ZNF860: variants seen among roughly 807,000 people sequenced by gnomAD.
The protein encoded by ZNF860 is zinc finger protein 860.
For synonymous variants in ZNF860, 206 were observed against 248.9 expected (o/e 0.83, Z 1.62); for missense variants, 641 against 759.2 (o/e 0.84, Z 1.83).
chr3:32,001,272 C>T, the ZNF860 span, among the ~76,000 whole-genome samples: 1 of 152,164 alleles, frequency 6.6e-6, no homozygotes, highest in Non-Finnish European at 1.5e-5. Flanking sequence ...CGGTCTCCAA[C>T]CCTTCCCTGG....
In ZNF860 at chr3:31,990,782, G is replaced by C; in HGVS notation, c.1703G>C (p.Cys568Ser). Residue 568 changes from cysteine (C) to serine (S), a missense_variant, in exon 2 of 2, where the codon TGT (cysteine) becomes TCT (serine). By Grantham distance (112) the Cys-to-Ser change is moderately radical. Transcript: ENST00000360311. ...RIHTGEKPYK[C>S]DDFDEAFSQA... ...CATACTGGAGAGAAACCTTACAAAT[G>C]TGATGATTTTGACGAGGCCTTCAGT... 6.2e-7 allele frequency: 1 copy of C among 1,613,008 alleles called. No individual in the cohort carries two copies. Among genetic ancestry groups the C allele is most frequent in the Non-Finnish European group, 8.5e-7 (1 of 1,179,362 alleles).
chr3:32,002,652 A>G, the ZNF860 span, among the ~76,000 whole-genome samples: 1 of 130,328 alleles, frequency 7.7e-6, no homozygotes, highest in Admixed American at 7.7e-5. Context: ...GAGATGTTTC[A>G]CTCTAACATC....
chr3:31,997,209 CA>C, the ZNF860 span, among the ~76,000 whole-genome samples: 1 of 151,894 alleles, frequency 6.6e-6, no homozygotes, highest in Admixed American at 6.6e-5. Context: ...ATTACAATGT[CA>C]ATAGGCAGTG....
At chr3:32,003,293 C>T in the ZNF860 span, among the ~76,000 whole-genome samples, 4 of 152,208 alleles carry the variant, frequency 2.6e-5, no homozygotes, top group South Asian at 2.1e-4. Flanking sequence ...GAGTCATTAG[C>T]GTGGTCTTCC....
the ZNF860 span, among the ~76,000 whole-genome samples, chr3:32,006,149 TTGGC>T: frequency 1.3e-5 from 2 of 152,018 alleles, no homozygotes; most frequent in Non-Finnish European, 2.9e-5. Context: ...TTTCACCATG[TTGGC>T]CAGGCTGGTC....
At chr3:32,001,267 T>TC in the ZNF860 span, among the ~76,000 whole-genome samples, 4 of 152,156 alleles carry the variant, frequency 2.6e-5, no homozygotes, top group Non-Finnish European at 5.9e-5. Context: ...CTTCCCGGTC[T>TC]CCAACCCTTC....
downstream of ZNF860, among the ~76,000 whole-genome samples, chr3:31,993,746 T>C (rs886656354): frequency 2.0e-5 from 3 of 151,980 alleles, no homozygotes; most frequent in Non-Finnish European, 4.4e-5. Context: ...TGTGGAGTAA[T>C]TGGAACTCTT....
chr3:31,988,907 C>A lies in ZNF860; in HGVS notation c.-173C>A. On this transcript the variant is annotated 5_prime_UTR_variant, in exon 2 of 2. The change creates a new upstream start codon in the 5' untranslated region. Transcript: ENST00000360311. ...GAGACACTGAGCCAGGAACACCCAG[C>A]TGAAGTGCCTCCAAACCCCGACCCA... is the stretch of plus-strand genomic sequence containing the variant. 1 of 770,698 alleles carries A rather than the reference C, an allele frequency of 1.3e-6. No homozygotes were observed. The highest frequency in any genetic ancestry group is 2.1e-6 in the Non-Finnish European group (1 of 485,590). 47.7% of individuals were successfully genotyped at this position (770,698 alleles called of 1,614,324 possible).
Position 31,988,986 on chromosome 3 carries a change from A to G in ZNF860, c.-94A>G. ...TGCCTTAAGCCACGAAGTTTGTGAT[A>G]ATTTGTTTCTCGGAAACAGATAACT... On this transcript the variant is annotated 5_prime_UTR_variant, in exon 2 of 2. In the 5' UTR this introduces an upstream ATG that the reference lacks. Transcript: ENST00000360311. 2 of 1,514,178 alleles carry G rather than the reference A, an allele frequency of 1.3e-6. No homozygotes were observed. Among genetic ancestry groups the G allele is most frequent in the South Asian group, 2.4e-5 (2 of 82,596 alleles). The allele number at this position is 1,514,178 out of a possible 1,614,324, so 93.8% of individuals were successfully genotyped here.
At position 31,989,756 on chromosome 3, in the gene ZNF860, G is replaced by C. The variant is rs1340557225; in HGVS notation, c.677G>C (p.Arg226Thr). 6.2e-7 allele frequency: 1 copy of C among 1,614,142 alleles called. No individual in the cohort carries two copies. The highest frequency in any genetic ancestry group is 2.2e-5 in the East Asian group (1 of 44,866). The change falls in exon 2 of 2, where the codon AGA becomes ACA. Residue 226 changes from arginine to threonine, a missense_variant. Coordinates refer to ENST00000360311, the MANE Select transcript of ZNF860 (RefSeq NM_001137674.3). ...LLTLKQEVHI[R>T]EKSFQCNESG... is the part of the protein sequence containing the mutation. ...ACACTAAAACAGGAAGTACACATAAGAGAAAAATCTTTCCAATGTAATGAG... is the reference window on the plus strand; with the variant it reads ...ACACTAAAACAGGAAGTACACATAACAGAAAAATCTTTCCAATGTAATGAG...
chr3:31,996,074 T>G (rs1699087908), downstream of ZNF860, among the ~76,000 whole-genome samples: 1 of 152,162 alleles, frequency 6.6e-6, no homozygotes, highest in Non-Finnish European at 1.5e-5. Context: ...GGGCTGCCAG[T>G]TTCAAGGCAG....
downstream of ZNF860, among the ~76,000 whole-genome samples, chr3:31,995,508 T>C (rs1264187761): frequency 1.3e-5 from 2 of 152,216 alleles, no homozygotes; most frequent in Admixed American, 1.3e-4. Flanking sequence ...CTTCCCTTGT[T>C]CCCTAAAATC....
chr3:31,993,164 C>CTTATTTTATTTTATT (rs143583788), downstream of ZNF860, among the ~76,000 whole-genome samples: 812 of 129,112 alleles, frequency 6.3e-3, 9 homozygotes, highest in Middle Eastern at 0.015. Context: ...GTAAGAAAAC[C>CTTATTTTATTTTATT]TTATTTTATT....
chr3:31,995,389 G>T (rs1221417467), downstream of ZNF860, among the ~76,000 whole-genome samples: 1 of 152,168 alleles, frequency 6.6e-6, no homozygotes. Flanking sequence ...GCTAGGAAAA[G>T]AATTTAGCGA....
intron 1 of ZNF860, among the ~76,000 whole-genome samples, chr3:31,982,736 T>C (rs1374540670): frequency 1.3e-5 from 2 of 152,134 alleles, no homozygotes; most frequent in Admixed American, 6.6e-5. Flanking sequence ...CTTGATCAAA[T>C]TACCTCTTTT....
At chr3:32,001,809 A>C in the ZNF860 span, among the ~76,000 whole-genome samples, 7 of 152,080 alleles carry the variant, frequency 4.6e-5, no homozygotes, top group African/African-American at 1.7e-4. Context: ...ATATCCCCAG[A>C]GGGTCCCCAG....
At position 31,989,992 on chromosome 3, in the gene ZNF860, C is replaced by A; in HGVS notation, c.913C>A (p.His305Asn). Residue 305 changes from histidine to asparagine, a missense_variant, in exon 2 of 2, where the codon CAT becomes AAT. Transcript: ENST00000360311. ...FNQQSNLASH[H>N]RLHTGEKPYK... ...TCAACAATCAAACCTTGCAAGTCATCATAGACTTCATACTGGAGAGAAACC... is the reference window on the plus strand; with the variant it reads ...TCAACAATCAAACCTTGCAAGTCATAATAGACTTCATACTGGAGAGAAACC... The A allele has an allele frequency of 3.1e-6, 5 of 1,614,118 alleles. No homozygotes were observed. Among genetic ancestry groups the A allele is most frequent in the Non-Finnish European group, 4.2e-6 (5 of 1,179,994 alleles).
At position 31,990,568 on chromosome 3, in the gene ZNF860, C is replaced by T; in HGVS notation, c.1489C>T (p.Leu497Phe). The T allele has an allele frequency of 6.2e-7, 1 of 1,613,676 alleles. No individual in the cohort carries two copies. The highest frequency in any genetic ancestry group is 2.2e-5 in the East Asian group (1 of 44,800). ...CAAGACCTTCCGTCACAATTCAGCC[C>T]TTGTAATTCATAAGGCAATTCATAC... ...CGKTFRHNSA[L>F]VIHKAIHTGE... Residue 497 changes from leucine to phenylalanine, a missense_variant, in exon 2 of 2, where the codon CTT becomes TTT. By Grantham distance (22) the Leu-to-Phe change is conservative. Coordinates refer to ENST00000360311, the MANE Select transcript of ZNF860 (RefSeq NM_001137674.3).
At chr3:32,004,564 C>G in the ZNF860 span, among the ~76,000 whole-genome samples, 3 of 152,170 alleles carry the variant, frequency 2.0e-5, no homozygotes, top group Admixed American at 1.3e-4. Flanking sequence ...AATCTTGTTT[C>G]CAGGCATCAC....
Sources: allele counts gnomAD v4.1 joint callset (sites outside exome capture counted in the v4.1 genomes callset), GRCh38; gene constraint gnomAD v4.1.1; transcripts MANE v1.5; gene names NCBI Gene and HGNC (gene_info 2026-07-23, HGNC 2026-07-21).